Variants in LNX1 observed in about 807,000 individuals in gnomAD.
LNX1 encodes E3 ubiquitin-protein ligase LNX.
A neutral mutation model predicts 68.4 loss-of-function variants in LNX1; 54 were observed. That is an observed-to-expected ratio of 0.79 (90% CI 0.63 to 0.99). The LOEUF (loss-of-function observed/expected upper bound fraction) is 0.99, where lower values mean the gene tolerates loss of function less well. Ranked by LOEUF, LNX1 falls within the 50% of genes least tolerant of loss-of-function variation. The probability of loss-of-function intolerance (pLI) is 0.00; values close to 1 mark genes in which losing one functional copy is unlikely to be tolerated. For missense variants in LNX1, 906 were observed against 926.4 expected, an observed-to-expected ratio of 0.98 and a Z score of 0.29; for synonymous variants, 336 against 350.0, an observed-to-expected ratio of 0.96 and a Z score of 0.45.
intron 2 of LNX1, among the ~76,000 whole-genome samples, chr4:53,606,185 G>A (rs1402268928): frequency 6.7e-6 from 1 of 150,250 alleles, no homozygotes; most frequent in Non-Finnish European, 1.5e-5. Flanking sequence ...TAGACCACTA[G>A]GTAGACTAAT....
In LNX1 at chr4:53,584,017, G is replaced by A. The variant is rs1395932530; in HGVS notation, c.-87+7371C>T. ...TATTTTTGCATTGATTCGGAGCTCTGTTCATGCTAGGAGTCACCAAGGATC... is the reference window on the plus strand; with the variant it reads ...TATTTTTGCATTGATTCGGAGCTCTATTCATGCTAGGAGTCACCAAGGATC... On this transcript the variant is annotated intron_variant, in intron 1 of 10. Coordinates refer to ENST00000263925, the MANE Select transcript of LNX1 (RefSeq NM_001126328.3). 2.6e-5 allele frequency among the ~76,000 whole-genome samples: 4 copies of A among 152,156 alleles called. No homozygotes were observed. The East Asian group carries it at 5.8e-4, about 22-fold the overall frequency.
intron 2 of LNX1, among the ~76,000 whole-genome samples, chr4:53,552,205 C>T (rs909633223): frequency 2.6e-5 from 4 of 152,130 alleles, no homozygotes; most frequent in Admixed American, 1.3e-4. Flanking sequence ...CCAGTGACCC[C>T]GCCTAGCTGT....
intron 2 of LNX1, among the ~76,000 whole-genome samples, chr4:53,616,087 C>T (rs915047468): frequency 6.6e-6 from 1 of 152,142 alleles, no homozygotes; most frequent in African/African-American, 2.4e-5. Context: ...TCCTTCTGCT[C>T]TCTGTGTTCA....
intron 1 of LNX1, among the ~76,000 whole-genome samples, chr4:53,636,627 C>G (rs1191079037): frequency 6.6e-6 from 1 of 152,022 alleles, no homozygotes; most frequent in Non-Finnish European, 1.5e-5. Context: ...CCTGATAGAC[C>G]CTGGGTTTCT....
chr4:53,533,460 G>A (rs1479440340), intron 2 of LNX1, among the ~76,000 whole-genome samples: 2 of 152,144 alleles, frequency 1.3e-5, no homozygotes, highest in Non-Finnish European at 2.9e-5. Context: ...GTGCAGCGGT[G>A]CGTTCTCAGC....
chr4:53,585,244 A>G (rs1732092298), intron 1 of LNX1, among the ~76,000 whole-genome samples: 1 of 152,206 alleles, frequency 6.6e-6, no homozygotes, highest in Non-Finnish European at 1.5e-5. Context: ...AGAACTCAGT[A>G]GGCCTTTAGA....
chr4:53,559,823 AAAAAAATT>A (rs1730154105), intron 2 of LNX1, among the ~76,000 whole-genome samples: 1 of 151,312 alleles, frequency 6.6e-6, no homozygotes, highest in Admixed American at 6.6e-5. Context: ...AAAAAAAAAA[AAAAAAATT>A]AAAATCTTTT....
chr4:53,581,376 T>C (rs1299320428), intron 1 of LNX1, among the ~76,000 whole-genome samples: 1 of 152,230 alleles, frequency 6.6e-6, no homozygotes, highest in Non-Finnish European at 1.5e-5. Context: ...AGAAATAGTT[T>C]TGTTTTCCTG....
In LNX1 at chr4:53,573,549, G is replaced by A. The variant is rs369592789; in HGVS notation, c.380+74C>T. The A allele has an allele frequency of 5.1e-6, 5 of 972,916 alleles. No homozygotes were observed. In the South Asian group the frequency reaches 6.3e-5, roughly 12 times the overall value. The allele number at this position is 972,916 out of a possible 1,614,324, so 60.3% of individuals were successfully genotyped here. ...CATTTCATTGGTTGGAAGCCCTCAG[G>A]AGACTGGGGGGTGGAGGGGTCCAGC... On this transcript the variant is annotated intron_variant, in intron 2 of 10. Transcript: ENST00000263925.
At chr4:53,638,828 A>C (rs1400209931) in intron 1 of LNX1, among the ~76,000 whole-genome samples, 1 of 152,226 alleles carries the variant, frequency 6.6e-6, no homozygotes, top group African/African-American at 2.4e-5. Context: ...CTAAAAAGCC[A>C]AAAACAACAG....
chr4:53,470,852 A>G (rs1050485476), intron 9 of LNX1, among the ~76,000 whole-genome samples: 6 of 152,028 alleles, frequency 3.9e-5, no homozygotes, highest in African/African-American at 1.2e-4. Context: ...ATACAAACAA[A>G]TGGAAGAACA....
intron 2 of LNX1, among the ~76,000 whole-genome samples, chr4:53,572,357 A>G (rs1731220623): frequency 6.6e-6 from 1 of 152,206 alleles, no homozygotes; most frequent in African/African-American, 2.4e-5. Context: ...CAAAAACCTG[A>G]GGTGGAAGCA....
At chr4:53,651,346 C>T (rs1560708207) in intron 1 of LNX1, among the ~76,000 whole-genome samples, 3 of 152,208 alleles carry the variant, frequency 2.0e-5, no homozygotes, top group South Asian at 2.1e-4. Context: ...ACTTGCACCA[C>T]GCCCTGACAC....
intron 4 of LNX1, 84 bp downstream of exon 4, chr4:53,507,233 G>T: frequency 7.0e-7 from 1 of 1,423,148 alleles, no homozygotes; most frequent in Non-Finnish European, 9.6e-7. Context: ...CACAGAAGGT[G>T]GAAGGTGATC....
intron 4 of LNX1, among the ~76,000 whole-genome samples, chr4:53,506,856 TAAAAAAAAAA>T (rs59260730): frequency 1.8e-5 from 1 of 54,204 alleles, no homozygotes; most frequent in South Asian, 5.0e-4. Flanking sequence ...AAACTCTGTC[TAAAAAAAAAA>T]AAAAAAAAAG....
intron 3 of LNX1, 46 bp downstream of exon 3, chr4:53,507,940 C>T (rs1468701799): frequency 1.9e-6 from 3 of 1,592,034 alleles, no homozygotes; most frequent in Admixed American, 1.7e-5. Flanking sequence ...AGAGGGCAAT[C>T]GCAAGCCAAG....
At chr4:53,565,081 A>G (rs7682325) in intron 2 of LNX1, among the ~76,000 whole-genome samples, 85,146 of 150,854 alleles carry the variant, frequency 0.56, 24,577 homozygotes, top group Non-Finnish European at 0.63. Context: ...AGGGGCGCCT[A>G]CCATTGCCCA....
intron 2 of LNX1, among the ~76,000 whole-genome samples, chr4:53,555,100 G>A (rs937007172): frequency 1.3e-5 from 2 of 152,138 alleles, no homozygotes; most frequent in Non-Finnish European, 2.9e-5. Flanking sequence ...GATAAAGGGT[G>A]GAGGAAGCCC....
intron 2 of LNX1, among the ~76,000 whole-genome samples, chr4:53,611,597 A>G (rs1023003662): frequency 6.6e-6 from 1 of 152,194 alleles, no homozygotes; most frequent in African/African-American, 2.4e-5. Flanking sequence ...AGAACTGTCT[A>G]TAAACCCATC....
Sources: gnomAD v4.1 joint callset for allele counts (sites outside exome capture counted in the v4.1 genomes callset) on GRCh38, gnomAD v4.1.1 for gene constraint, MANE v1.5 for transcripts, NCBI Gene and HGNC (gene_info 2026-07-23, HGNC 2026-07-21) for gene names.